The following CCSER1 variants were observed in gnomAD, a reference collection of about 807,000 sequenced individuals.
CCSER1 encodes coiled-coil serine rich protein 1.
In CCSER1, 41 loss-of-function variants were observed where a neutral mutation model predicts 82.0. The ratio of observed to expected loss-of-function variants is 0.50; its 90% CI spans 0.39 to 0.65. CCSER1 has a LOEUF of 0.65. Among genes scored for constraint, CCSER1 ranks in the 30% least tolerant of loss-of-function variants. The probability of loss-of-function intolerance (pLI) is 0.00; values close to 1 mark genes in which losing one functional copy is unlikely to be tolerated. For missense variants in CCSER1, 1,119 were observed against 1,064.2 expected (o/e 1.05, Z -0.72); for synonymous variants, 414 against 383.9 (o/e 1.08, Z -0.92).
intron 10 of CCSER1, among the ~76,000 whole-genome samples, chr4:91,144,142 CATT>C (rs1729315097): frequency 6.6e-6 from 1 of 151,902 alleles, no homozygotes. Flanking sequence ...TTTTAGAACT[CATT>C]ATTGGTCTGT....
rs539589687 is a variant in CCSER1, at chr4:90,930,937, T to C, written c.2172+7490T>C. On this transcript the variant is annotated intron_variant, in intron 9 of 10. Coordinates refer to ENST00000509176, the MANE Select transcript of CCSER1 (RefSeq NM_001145065.2). ...ATATATATATATATATATATATATA[T>C]ATACACATGACATATATATACATAC... is the stretch of plus-strand genomic sequence containing the variant. Among the ~76,000 whole-genome samples the C allele has an allele frequency of 3.1e-3, 420 of 134,710 alleles. 3 individuals carry two copies. The highest frequency in any genetic ancestry group is 0.01 in the African/African-American group (377 of 36,758). 88.4% of individuals were successfully genotyped at this position (134,710 alleles called of 152,430 possible). A position where few individuals can be genotyped will look rare whatever the true frequency, so the allele number is the denominator to read the frequency against.
intron 10 of CCSER1, among the ~76,000 whole-genome samples, chr4:91,495,947 A>G (rs921225739): frequency 6.6e-6 from 1 of 151,636 alleles, no homozygotes; most frequent in Non-Finnish European, 1.5e-5. Context: ...GAATCCTGGA[A>G]CAGTTTAACA....
chr4:91,147,553 C>T (rs895967669), intron 10 of CCSER1, among the ~76,000 whole-genome samples: 5 of 152,214 alleles, frequency 3.3e-5, no homozygotes, highest in Non-Finnish European at 7.3e-5. Context: ...GGGGCTCCTC[C>T]TCCAATAGAG....
At chr4:90,960,373 A>C (rs892981188) in intron 9 of CCSER1, among the ~76,000 whole-genome samples, 4 of 152,142 alleles carry the variant, frequency 2.6e-5, no homozygotes, top group Non-Finnish European at 4.4e-5. Context: ...CTTTCCCCAC[A>C]GTAGAAATAT....
chr4:91,043,098 G>T (rs1742112271), intron 9 of CCSER1, among the ~76,000 whole-genome samples: 1 of 151,096 alleles, frequency 6.6e-6, no homozygotes, highest in African/African-American at 2.4e-5. Context: ...AAAGCCCAAA[G>T]AAATAACTTT....
At chr4:90,812,951 G>A (rs1369280235) in intron 7 of CCSER1, among the ~76,000 whole-genome samples, 2 of 152,086 alleles carry the variant, frequency 1.3e-5, no homozygotes, top group African/African-American at 2.4e-5. Flanking sequence ...ATGAGATTTG[G>A]GTGGGATCAC....
intron 6 of CCSER1, among the ~76,000 whole-genome samples, chr4:90,658,321 A>G (rs1730110473): frequency 6.6e-6 from 1 of 152,214 alleles, no homozygotes; most frequent in South Asian, 2.1e-4. Flanking sequence ...TAAGTTCTAA[A>G]CATTACATCT....
chr4:90,132,755 A>G (rs1723017436), intron 1 of CCSER1, among the ~76,000 whole-genome samples: 1 of 152,238 alleles, frequency 6.6e-6, no homozygotes, highest in Admixed American at 6.5e-5. Context: ...TATACCTGGA[A>G]TAACTTAAAG....
chr4:90,692,320 A>C (rs965880823), intron 6 of CCSER1, among the ~76,000 whole-genome samples: 1 of 151,932 alleles, frequency 6.6e-6, no homozygotes, highest in Admixed American at 6.6e-5. Flanking sequence ...TATGAAAAGA[A>C]AAATGCTGCT....
chr4:90,470,805 A>T (rs1764294617), intron 5 of CCSER1, among the ~76,000 whole-genome samples: 1 of 148,196 alleles, frequency 6.7e-6, no homozygotes, highest in African/African-American at 2.5e-5. Flanking sequence ...TTTGAGTGTC[A>T]TTGGATTGGC....
intron 6 of CCSER1, chr4:90,642,407 G>T (rs1726705836): frequency 6.6e-6 from 1 of 152,226 alleles, no homozygotes; most frequent in Admixed American, 6.5e-5. Flanking sequence ...GACTCGTTTA[G>T]CTGGAATGCA....
intron 10 of CCSER1, among the ~76,000 whole-genome samples, chr4:91,449,233 T>C (rs6838823): frequency 0.82 from 123,869 of 151,954 alleles, 50,797 homozygotes; most frequent in East Asian, 0.92. Flanking sequence ...TCTATGCTCC[T>C]GAAGCAGATG....
intron 9 of CCSER1, among the ~76,000 whole-genome samples, chr4:90,959,376 G>A (rs1225748233): frequency 6.6e-6 from 1 of 152,072 alleles, no homozygotes. Flanking sequence ...GTCAGATGTT[G>A]GAATCCATTT....
At chr4:90,134,414 C>G (rs891722138) in intron 1 of CCSER1, among the ~76,000 whole-genome samples, 2 of 152,158 alleles carry the variant, frequency 1.3e-5, no homozygotes, top group African/African-American at 4.8e-5. Flanking sequence ...ACCTGCAAGG[C>G]TGGTACTCCC....
intron 5 of CCSER1, among the ~76,000 whole-genome samples, chr4:90,598,135 C>T (rs1396383741): frequency 6.6e-6 from 1 of 152,076 alleles, no homozygotes; most frequent in Non-Finnish European, 1.5e-5. Flanking sequence ...GTGGTGATTT[C>T]ATATCTTTTG....
chr4:90,650,003 T>A (rs1728420327), intron 6 of CCSER1, among the ~76,000 whole-genome samples: 1 of 151,978 alleles, frequency 6.6e-6, no homozygotes, highest in Non-Finnish European at 1.5e-5. Context: ...GATCATGAGG[T>A]CAGGAGTTTA....
At chr4:91,372,186 A>C (rs78052061) in intron 10 of CCSER1, among the ~76,000 whole-genome samples, 2,972 of 152,246 alleles carry the variant, frequency 0.02, 74 homozygotes, top group African/African-American at 0.067. Context: ...TTTGGTGTTT[A>C]TACAAAACAA....
chr4:90,526,765 C>T (rs1296496547), intron 5 of CCSER1, among the ~76,000 whole-genome samples: 1 of 152,188 alleles, frequency 6.6e-6, no homozygotes, highest in African/African-American at 2.4e-5. Context: ...TTTATCCAGT[C>T]TATCACTGAT....
chr4:91,465,062 G>T (rs1238233110), intron 10 of CCSER1, among the ~76,000 whole-genome samples: 1 of 152,122 alleles, frequency 6.6e-6, no homozygotes, highest in Non-Finnish European at 1.5e-5. Context: ...ATTTTTCTCA[G>T]CACCACATCA....
Sources: allele counts gnomAD v4.1 joint callset (sites outside exome capture counted in the v4.1 genomes callset), GRCh38; gene constraint gnomAD v4.1.1; transcripts MANE v1.5; gene names NCBI Gene and HGNC (gene_info 2026-07-23, HGNC 2026-07-21).